Variants in ZNF536 observed in about 807,000 individuals in gnomAD.
ZNF536 encodes zinc finger protein 536.
In ZNF536, 13 loss-of-function variants were observed where a neutral mutation model predicts 84.5. That is an observed-to-expected ratio of 0.15 (90% CI 0.10 to 0.24). The LOEUF (loss-of-function observed/expected upper bound fraction) is 0.24, where lower values mean the gene tolerates loss of function less well. Ranked by LOEUF, ZNF536 falls within the 10% of genes least tolerant of loss-of-function variation. ZNF536 has a pLI of 1.00. For synonymous variants in ZNF536, 811 were observed against 742.5 expected (o/e 1.09, Z -1.50); for missense variants, 1,536 against 1,747.5 (o/e 0.88, Z 2.16).
At chr19:30,670,495 T>G (rs1354865817) in intron 1 of ZNF536, among the ~76,000 whole-genome samples, 1 of 152,228 alleles carries the variant, frequency 6.6e-6, no homozygotes, top group Non-Finnish European at 1.5e-5. Context: ...GGCAAGCACC[T>G]ACTCAACACG....
At chr19:30,530,026 A>G (rs1213304695) in intron 2 of ZNF536, among the ~76,000 whole-genome samples, 5 of 152,164 alleles carry the variant, frequency 3.3e-5, no homozygotes. Context: ...ATTAGGCAAG[A>G]GAGGGCCTCC....
intron 2 of ZNF536, among the ~76,000 whole-genome samples, chr19:30,334,130 G>A (rs1268371561): frequency 6.6e-6 from 1 of 152,160 alleles, no homozygotes; most frequent in Non-Finnish European, 1.5e-5. Context: ...GAGCATGGTA[G>A]CAAAAAGAAA....
intron 1 of ZNF536, among the ~76,000 whole-genome samples, chr19:30,606,593 G>A (rs1246456441): frequency 6.6e-6 from 1 of 152,176 alleles, no homozygotes; most frequent in African/African-American, 2.4e-5. Context: ...GAAGGTGTTT[G>A]GTTGTCCCCT....
At chr19:30,433,112 A>C (rs970080746) in intron 1 of ZNF536, among the ~76,000 whole-genome samples, 1 of 152,158 alleles carries the variant, frequency 6.6e-6, no homozygotes, top group Non-Finnish European at 1.5e-5. Flanking sequence ...GAGCATTACA[A>C]GCTCCATATA....
intron 1 of ZNF536, among the ~76,000 whole-genome samples, chr19:30,248,262 A>C (rs2215198): frequency 0.22 from 32,342 of 145,364 alleles, 4,532 homozygotes; most frequent in East Asian, 0.5. Context: ...TTCTCTGTCA[A>C]CCAGGCTGGA....
chr19:30,571,842 G>A (rs993351933), intron 1 of ZNF536, among the ~76,000 whole-genome samples: 3 of 152,166 alleles, frequency 2.0e-5, no homozygotes, highest in Non-Finnish European at 2.9e-5. Flanking sequence ...AAGAATCTTA[G>A]GCTATCAGAG....
At chr19:30,663,198 T>C (rs1399314929) in intron 1 of ZNF536, among the ~76,000 whole-genome samples, 1 of 152,130 alleles carries the variant, frequency 6.6e-6, no homozygotes, top group African/African-American at 2.4e-5. Flanking sequence ...TCTTAGCACA[T>C]GGTAGTGTCA....
intron 1 of ZNF536, among the ~76,000 whole-genome samples, chr19:30,414,818 T>G (rs779666239): frequency 1.3e-5 from 2 of 152,262 alleles, no homozygotes; most frequent in Non-Finnish European, 2.9e-5. Flanking sequence ...AGAGTGAGTC[T>G]GAGTCCTTTT....
chr19:30,681,866 C>T (rs1302818373), intron 1 of ZNF536, among the ~76,000 whole-genome samples: 2 of 152,140 alleles, frequency 1.3e-5, no homozygotes, highest in Non-Finnish European at 2.9e-5. Context: ...CTCTGGAATC[C>T]GCAATGGTGT....
At chr19:30,250,320 G>A (rs1389917606) in intron 1 of ZNF536, among the ~76,000 whole-genome samples, 4 of 152,170 alleles carry the variant, frequency 2.6e-5, no homozygotes, top group African/African-American at 9.7e-5. Flanking sequence ...TTGACGCCGA[G>A]GTCTGTGTTT....
chr19:30,336,475 G>T (rs1190626501), intron 2 of ZNF536, among the ~76,000 whole-genome samples: 1 of 152,220 alleles, frequency 6.6e-6, no homozygotes, highest in Non-Finnish European at 1.5e-5. Flanking sequence ...ATAAACAATT[G>T]CTATAGAAGC....
At chr19:30,370,220 C>A (rs911922568), upstream of ZNF536, among the ~76,000 whole-genome samples, 5 of 152,166 alleles carry the variant, frequency 3.3e-5, no homozygotes, top group Admixed American at 2.0e-4. Context: ...ATGGCGACAG[C>A]GTGGCTTTGA....
chr19:30,570,163 C>T (rs558362064), intron 1 of ZNF536, among the ~76,000 whole-genome samples: 9 of 152,198 alleles, frequency 5.9e-5, no homozygotes, highest in Admixed American at 1.3e-4. Flanking sequence ...AGTGAAACTC[C>T]GAGTTGGACT....
At chr19:30,230,328 G>GGAAACAGTTCCTGGA (rs1327846602) in intron 1 of ZNF536, among the ~76,000 whole-genome samples, 1 of 152,200 alleles carries the variant, frequency 6.6e-6, no homozygotes, top group Non-Finnish European at 1.5e-5. Flanking sequence ...CTGGGTTTGG[G>GGAAACAGTTCCTGGA]GAAACAGTTC....
chr19:30,603,931 AATACAAAAATT>A (rs1480483045), intron 1 of ZNF536, among the ~76,000 whole-genome samples: 1 of 152,216 alleles, frequency 6.6e-6, no homozygotes, highest in Non-Finnish European at 1.5e-5. Flanking sequence ...CTCTACTAAA[AATACAAAAATT>A]AGCCAGGCGT....
At chr19:30,653,813 A>G (rs1238906939) in intron 1 of ZNF536, among the ~76,000 whole-genome samples, 1 of 152,190 alleles carries the variant, frequency 6.6e-6, no homozygotes, top group Non-Finnish European at 1.5e-5. Context: ...GTTTGCAGAC[A>G]GGGAAGTTAG....
At chr19:30,377,241 G>A (rs960393835) in intron 1 of ZNF536, among the ~76,000 whole-genome samples, 4 of 152,152 alleles carry the variant, frequency 2.6e-5, no homozygotes, top group South Asian at 2.1e-4. Context: ...TCAGAGCCTC[G>A]GGATGTGGTG....
chr19:30,514,090 G>A lies in ZNF536; in HGVS notation c.2171-20757G>A, dbSNP rs538556023. Among the ~76,000 whole-genome samples, 9 of 152,286 alleles carry A rather than the reference G, an allele frequency of 5.9e-5. No individual in the cohort carries two copies. In the East Asian group the frequency reaches 1.7e-3, roughly 30 times the overall value. On this transcript the variant is annotated intron_variant, in intron 2 of 4. Coordinates refer to ENST00000355537, the MANE Select transcript of ZNF536 (RefSeq NM_014717.3). ...GCCTCAGAGTGGTCCTTGACCCGTG[G>A]CAGGCTTTGCTTTGCTTTTGAAGCT...
downstream of ZNF536, among the ~76,000 whole-genome samples, chr19:30,561,093 C>G (rs977793565): frequency 1.3e-5 from 2 of 152,232 alleles, no homozygotes; most frequent in Non-Finnish European, 2.9e-5. Flanking sequence ...GTTAAGTTTT[C>G]TTTTTGAACT....
Sources: gnomAD v4.1 joint callset for allele counts (sites outside exome capture counted in the v4.1 genomes callset) on GRCh38, gnomAD v4.1.1 for gene constraint, MANE v1.5 for transcripts, NCBI Gene and HGNC (gene_info 2026-07-23, HGNC 2026-07-21) for gene names.